STAU2: variants seen among roughly 807,000 people sequenced by gnomAD.
STAU2 encodes the protein staufen double-stranded RNA binding protein 2, also known as double-stranded RNA-binding protein Staufen homolog 2.
Under a neutral mutation model 65.9 loss-of-function variants are expected in STAU2, and 20 were observed. The ratio of observed to expected loss-of-function variants is 0.30; its 90% confidence interval spans 0.21 to 0.44. The LOEUF is 0.44. STAU2 is among the 20% of genes least tolerant of loss of function. STAU2 has a pLI of 1.00. For synonymous variants in STAU2, 232 were observed against 233.9 expected, an observed-to-expected ratio of 0.99 and a Z score of 0.07; for missense variants, 558 against 683.9, an observed-to-expected ratio of 0.82 and a Z score of 2.05.
chr8:73,449,941 A>G (rs926626471), intron 13 of STAU2, among the ~76,000 whole-genome samples: 6 of 152,196 alleles, frequency 3.9e-5, no homozygotes, highest in African/African-American at 1.4e-4. Context: ...AGGGAGCAGC[A>G]CTTCCCCACC....
At chr8:73,423,564 C>T (rs890631311) in intron 13 of STAU2, among the ~76,000 whole-genome samples, 8 of 152,180 alleles carry the variant, frequency 5.3e-5, no homozygotes, top group African/African-American at 1.7e-4. Flanking sequence ...CATCCTGGGG[C>T]ATCCCGCTGG....
chr8:73,615,631 C>A (rs369685276), intron 8 of STAU2, 44 bp downstream of exon 8: 9 of 1,471,332 alleles, frequency 6.1e-6, no homozygotes, highest in African/African-American at 2.8e-5. Context: ...TTTAAAATAA[C>A]CACAGCAAGG....
At chr8:73,730,760 AAG>A (rs1805998875) in intron 3 of STAU2, among the ~76,000 whole-genome samples, 1 of 151,878 alleles carries the variant, frequency 6.6e-6, no homozygotes, top group Non-Finnish European at 1.5e-5. Flanking sequence ...ACAAAAAAAA[AAG>A]AATACATATT....
chr8:73,637,745 CA>C (rs148464650), intron 6 of STAU2, among the ~76,000 whole-genome samples: 1 of 151,436 alleles, frequency 6.6e-6, no homozygotes, highest in Non-Finnish European at 1.5e-5. Context: ...AAAAACAAAA[CA>C]AAAAAAGGGA....
At chr8:73,603,903 T>C in intron 9 of STAU2, 40 bp from the exon 10 acceptor site, 5 of 1,567,390 alleles carry the variant, frequency 3.2e-6, no homozygotes, top group Non-Finnish European at 4.3e-6. Context: ...AATATGCTTG[T>C]GAAACCTGTT....
At chr8:73,494,128 T>C (rs1821280846) in intron 13 of STAU2, among the ~76,000 whole-genome samples, 1 of 151,736 alleles carries the variant, frequency 6.6e-6, no homozygotes, top group Non-Finnish European at 1.5e-5. Flanking sequence ...GATCAGAACT[T>C]GTCAAGTGGT....
intron 13 of STAU2, among the ~76,000 whole-genome samples, chr8:73,515,377 A>AG (rs1370579142): frequency 2.0e-5 from 3 of 152,256 alleles, no homozygotes. Flanking sequence ...GCCAGCAAGT[A>AG]GACTGATACT....
At chr8:73,685,961 A>C (rs969089353) in intron 5 of STAU2, among the ~76,000 whole-genome samples, 2 of 152,234 alleles carry the variant, frequency 1.3e-5, no homozygotes, top group African/African-American at 4.8e-5. Context: ...ATACCATAGA[A>C]TACTACTCAG....
intron 4 of STAU2, among the ~76,000 whole-genome samples, chr8:73,695,984 G>A (rs1819673931): frequency 2.0e-5 from 3 of 152,162 alleles, no homozygotes; most frequent in African/African-American, 7.2e-5. Context: ...CAAGGCCAGT[G>A]CTGTGCTGGC....
intron 6 of STAU2, among the ~76,000 whole-genome samples, chr8:73,630,752 T>C (rs1051569876): frequency 6.6e-6 from 1 of 152,196 alleles, no homozygotes; most frequent in African/African-American, 2.4e-5. Context: ...CTATGCAAGA[T>C]ACATGCTGTG....
intron 3 of STAU2, among the ~76,000 whole-genome samples, chr8:73,720,000 C>T (rs1011818929): frequency 1.3e-5 from 2 of 152,126 alleles, no homozygotes; most frequent in Non-Finnish European, 2.9e-5. Flanking sequence ...CTACTCAGGG[C>T]TAGGCATGAT....
At chr8:73,505,237 A>AT (rs142782374) in intron 13 of STAU2, among the ~76,000 whole-genome samples, 4,426 of 152,118 alleles carry the variant, frequency 0.029, 201 homozygotes, top group African/African-American at 0.096. Flanking sequence ...GGCAGAAGAG[A>AT]TTTTTTTAAG....
In STAU2 at chr8:73,739,219, C is replaced by G. The variant is rs1363131168; in HGVS notation, c.-84+537G>C. 3.3e-5 allele frequency among the ~76,000 whole-genome samples: 4 copies of G among 121,524 alleles called. No homozygotes were observed. The South Asian group carries it at 9.8e-4, about 30-fold the overall frequency. 79.7% of individuals were successfully genotyped at this position (121,524 alleles called of 152,430 possible). A position where few individuals can be genotyped will look rare whatever the true frequency, so the allele number is the denominator to read the frequency against. On this transcript the variant is annotated intron_variant, in intron 2 of 14. Coordinates refer to ENST00000524300, the MANE Select transcript of STAU2 (RefSeq NM_001164380.2). ...TTGCACTCCAGCCTAGGCGACAGAG[C>G]GAGACTCCATCTCAAAAAAAAAAAA...
intron 5 of STAU2, among the ~76,000 whole-genome samples, 159 bp downstream of exon 5, chr8:73,688,489 CGTGTGT>C (rs34713766): frequency 0.028 from 4,071 of 146,896 alleles, 81 homozygotes; most frequent in South Asian, 0.038. Flanking sequence ...TTTATGCTAC[CGTGTGT>C]GTGTGTGTGT....
chr8:73,593,880 TAC>T (rs3032945), intron 11 of STAU2, among the ~76,000 whole-genome samples: 39,973 of 150,340 alleles, frequency 0.27, 5,642 homozygotes, highest in African/African-American at 0.35. Flanking sequence ...GACACACACA[TAC>T]ACACACACAC....
chr8:73,549,669 G>A, intron 13 of STAU2: 10 of 985,348 alleles, frequency 1.0e-5, no homozygotes, highest in Non-Finnish European at 1.2e-5. Flanking sequence ...AATGGCTCTA[G>A]TAGGCTTAAA....
Position 73,653,636 on chromosome 8 carries a change from TA to T in STAU2, c.410+19470del, listed in dbSNP as rs557926104. The T allele has an allele frequency of 4.8e-5, 8 of 165,786 alleles. No individual in the cohort carries two copies. In the South Asian group the frequency reaches 1.2e-3, roughly 25 times the overall value. The allele number at this position is 165,786 out of a possible 1,614,324, so 10.3% of individuals were successfully genotyped here. A position where few individuals can be genotyped will look rare whatever the true frequency, so the allele number is the denominator to read the frequency against. On this transcript the variant is annotated intron_variant, in intron 6 of 14. Transcript: ENST00000524300. ...GACATAGAATTACTTGGGGAAGTTT[TA>T]AAAAACAGTGCGGTTCAAGCTCTGC...
Position 73,615,791 on chromosome 8 carries a change from C to CA in STAU2, c.571-10dup, listed in dbSNP as rs775244392. On this transcript the variant is annotated splice_polypyrimidine_tract_variant and intron_variant, in intron 7 of 14. Coordinates refer to ENST00000524300, the MANE Select transcript of STAU2 (RefSeq NM_001164380.2). The stretch of plus-strand genomic sequence containing the variant: ...TTTCCTGATTCACCATTCTAAATCA[C>CA]AAAAAATAGGATAACACTGAATCTT... 7.0e-6 allele frequency: 11 copies of CA among 1,580,854 alleles called. No individual in the cohort carries two copies. The East Asian group carries it at 9.0e-5, about 13-fold the overall frequency.
chr8:73,465,457 C>T (rs1819602598), intron 13 of STAU2, among the ~76,000 whole-genome samples: 1 of 152,110 alleles, frequency 6.6e-6, no homozygotes. Flanking sequence ...TATTAGAATG[C>T]CTCACGTATT....
Sources: gnomAD v4.1 joint callset for allele counts (sites outside exome capture counted in the v4.1 genomes callset) on GRCh38, gnomAD v4.1.1 for gene constraint, MANE v1.5 for transcripts, NCBI Gene and HGNC (gene_info 2026-07-23, HGNC 2026-07-21) for gene names.